TULP4: variants seen among roughly 807,000 people sequenced by gnomAD.
TULP4 encodes tubby-related protein 4.
A neutral mutation model predicts 129.0 loss-of-function variants in TULP4; 16 were observed. That is an observed-to-expected ratio of 0.12 (90% confidence interval 0.08 to 0.19). The LOEUF (loss-of-function observed/expected upper bound fraction) is 0.19. Among genes scored for constraint, TULP4 ranks in the 10% least tolerant of loss-of-function variants. The pLI is 1.00. For synonymous variants in TULP4, 998 were observed against 854.0 expected (o/e 1.17, Z -2.94); for missense variants, 1,842 against 2,059.1 (o/e 0.89, Z 2.04).
intron 13 of TULP4, among the ~76,000 whole-genome samples, chr6:158,504,496 G>A (rs10945547): frequency 0.18 from 27,413 of 150,366 alleles, 2,625 homozygotes; most frequent in Non-Finnish European, 0.2. Flanking sequence ...ACACGTGCCC[G>A]CCACCATGCC....
chr6:158,253,883 A>G (rs1251731913), intron 1 of TULP4, among the ~76,000 whole-genome samples: 1 of 151,968 alleles, frequency 6.6e-6, no homozygotes, highest in African/African-American at 2.4e-5. Flanking sequence ...AAAAATAGAA[A>G]AATTATTAGC....
At chr6:158,421,752 G>C (rs893353793) in intron 2 of TULP4, among the ~76,000 whole-genome samples, 3 of 152,162 alleles carry the variant, frequency 2.0e-5, no homozygotes, top group African/African-American at 7.2e-5. Context: ...AAAGAAGCAC[G>C]TTTTGGGGTA....
In TULP4 at chr6:158,502,982, C is replaced by G; in HGVS notation, c.3319C>G (p.Pro1107Ala). 1 of 1,613,968 alleles carries G rather than the reference C, an allele frequency of 6.2e-7. No homozygotes were observed. Among genetic ancestry groups the G allele is most frequent in the Non-Finnish European group, 8.5e-7 (1 of 1,179,950 alleles). The change falls in exon 13 of 14, where the codon CCT (proline) becomes GCT (alanine). Residue 1107 changes from proline (P) to alanine (A), a missense_variant. Transcript: ENST00000367097. ...HCQLEKPLRH[P>A]PLPEAAVTLK... ...TCAGCTTGAGAAGCCCTTGAGGCACCCTCCCCTGCCTGAAGCTGCTGTCAC... is the reference window on the plus strand; with the variant it reads ...TCAGCTTGAGAAGCCCTTGAGGCACGCTCCCCTGCCTGAAGCTGCTGTCAC...
intron 1 of TULP4, among the ~76,000 whole-genome samples, chr6:158,353,353 T>A (rs1780571927): frequency 6.6e-6 from 1 of 152,242 alleles, no homozygotes; most frequent in Non-Finnish European, 1.5e-5. Flanking sequence ...TTTCTTTAAA[T>A]AGATTGCTTA....
intron 1 of TULP4, among the ~76,000 whole-genome samples, chr6:158,271,275 G>A (rs911490072): frequency 2.0e-5 from 3 of 151,912 alleles, no homozygotes; most frequent in African/African-American, 7.3e-5. Context: ...AATGAAGAAA[G>A]CATTTAAAGG....
intron 1 of TULP4, among the ~76,000 whole-genome samples, chr6:158,264,643 GAAA>G (rs1778417729): frequency 6.6e-6 from 1 of 152,076 alleles, no homozygotes; most frequent in Non-Finnish European, 1.5e-5. Context: ...AAAGGACTAG[GAAA>G]CATTTTTTCA....
intron 1 of TULP4, among the ~76,000 whole-genome samples, chr6:158,276,866 A>G (rs894306539): frequency 5.3e-5 from 8 of 152,156 alleles, no homozygotes; most frequent in African/African-American, 1.9e-4. Flanking sequence ...GGCCTAACTT[A>G]TTAGAACCCA....
intron 2 of TULP4, chr6:158,428,259 A>G (rs1243725308): frequency 6.6e-6 from 1 of 152,232 alleles, no homozygotes; most frequent in Non-Finnish European, 1.5e-5. Flanking sequence ...TCATCTGTTT[A>G]TACAAATTCT....
chr6:158,504,962 G>T (rs1221331365), intron 13 of TULP4, among the ~76,000 whole-genome samples: 1 of 130,680 alleles, frequency 7.7e-6, no homozygotes, highest in Non-Finnish European at 1.6e-5. Context: ...GTGGTCACTG[G>T]TTACCTTGTT....
intron 1 of TULP4, among the ~76,000 whole-genome samples, chr6:158,352,674 C>A (rs1403328576): frequency 1.3e-5 from 2 of 152,210 alleles, no homozygotes; most frequent in African/African-American, 4.8e-5. Flanking sequence ...GGATTACAGG[C>A]GTGAGCCACC....
intron 1 of TULP4, among the ~76,000 whole-genome samples, chr6:158,302,601 A>G (rs1779150656): frequency 6.6e-6 from 1 of 152,216 alleles, no homozygotes; most frequent in Admixed American, 6.5e-5. Context: ...CCGCTGCTCA[A>G]TCCAAACAGG....
chr6:158,398,256 T>C (rs1777761934), intron 1 of TULP4, among the ~76,000 whole-genome samples: 1 of 152,204 alleles, frequency 6.6e-6, no homozygotes. Context: ...CTGATACTTT[T>C]GGAACCCACA....
In TULP4 at chr6:158,509,183, C is replaced by T. The variant is rs931349556; in HGVS notation, c.*2489C>T. The T allele has an allele frequency of 6.6e-6, 1 of 152,116 alleles. No homozygotes were observed. The highest frequency in any genetic ancestry group is 2.4e-5 in the African/African-American group (1 of 41,434). The allele number at this position is 152,116 out of a possible 1,614,324, so 9.4% of individuals were successfully genotyped here. A position where few individuals can be genotyped will look rare whatever the true frequency, so the allele number is the denominator to read the frequency against. On this transcript the variant is annotated 3_prime_UTR_variant, in exon 14 of 14. Transcript: ENST00000367097. ...GGGATTACAGACGTGAGCCACCACTCCCGGCCCATAGAAGGTTTTTTGCTG... is the reference window on the plus strand; with the variant it reads ...GGGATTACAGACGTGAGCCACCACTTCCGGCCCATAGAAGGTTTTTTGCTG...
intron 9 of TULP4, among the ~76,000 whole-genome samples, chr6:158,492,517 T>C (rs138301856): frequency 1.6e-3 from 238 of 152,318 alleles, no homozygotes; most frequent in African/African-American, 5.4e-3. Context: ...AGTGCTTTTT[T>C]CCCATTATGT....
At chr6:158,350,413 C>T (rs1269002700) in intron 1 of TULP4, among the ~76,000 whole-genome samples, 2 of 152,040 alleles carry the variant, frequency 1.3e-5, no homozygotes, top group Non-Finnish European at 1.5e-5. Flanking sequence ...CGAGATCACG[C>T]CACTGCACTC....
rs149194430 is a variant in TULP4 at position 158,410,201 on chromosome 6, G to A, written c.253-2864G>A. 5.5e-3 allele frequency among the ~76,000 whole-genome samples: 833 copies of A among 152,268 alleles called. 7 individuals carry two copies. The highest frequency in any genetic ancestry group is 0.019 in the African/African-American group (791 of 41,554). On this transcript the variant is annotated intron_variant, in intron 1 of 13. Transcript: ENST00000367097. ...ATGAAATTGAGTCTGTGAACATTTC[G>A]TTTATCCAACAATGGCAACTGTGTT...
intron 1 of TULP4, among the ~76,000 whole-genome samples, chr6:158,393,220 C>T (rs1583829524): frequency 6.6e-6 from 1 of 152,198 alleles, no homozygotes; most frequent in African/African-American, 2.4e-5. Context: ...GGTGGGCTCC[C>T]AAGGCTTTGG....
At chr6:158,273,749 T>A (rs1778590604) in intron 1 of TULP4, among the ~76,000 whole-genome samples, 3 of 152,222 alleles carry the variant, frequency 2.0e-5, no homozygotes. Flanking sequence ...ATCTGTCTGG[T>A]CCTAACAATA....
intron 3 of TULP4, among the ~76,000 whole-genome samples, chr6:158,447,067 A>G (rs1027347551): frequency 3.3e-5 from 5 of 152,300 alleles, no homozygotes; most frequent in African/African-American, 1.2e-4. Flanking sequence ...ACAATCCCAC[A>G]GTAAAGGGAT....
Sources: allele counts gnomAD v4.1 joint callset (sites outside exome capture counted in the v4.1 genomes callset), GRCh38; gene constraint gnomAD v4.1.1; transcripts MANE v1.5; gene names NCBI Gene and HGNC (gene_info 2026-07-23, HGNC 2026-07-21).